Variants in SYN2 observed in about 807,000 individuals in gnomAD.
The protein encoded by SYN2 is synapsin-2.
In SYN2, 19 loss-of-function variants were observed where a neutral mutation model predicts 50.9. That is an observed-to-expected ratio of 0.37 (90% CI 0.26 to 0.55). SYN2 has a LOEUF of 0.55. Ranked by LOEUF, SYN2 falls within the 20% of genes least tolerant of loss-of-function variation. SYN2 has a pLI of 0.81. For synonymous variants in SYN2, 255 were observed against 224.9 expected, an observed-to-expected ratio of 1.13 and a Z score of -1.20; for missense variants, 587 against 576.4, an observed-to-expected ratio of 1.02 and a Z score of -0.19.
intron 1 of SYN2, among the ~76,000 whole-genome samples, chr3:12,065,828 T>A (rs1695204823): frequency 6.6e-6 from 1 of 152,168 alleles, no homozygotes; most frequent in African/African-American, 2.4e-5. Context: ...GTAACAAACC[T>A]GCACATGTAC....
chr3:12,047,317 G>A (rs1397811120), intron 1 of SYN2, among the ~76,000 whole-genome samples: 1 of 152,040 alleles, frequency 6.6e-6, no homozygotes, highest in Non-Finnish European at 1.5e-5. Flanking sequence ...AGATTGGATG[G>A]TGGGAAGTTG....
chr3:12,157,022 A>G (rs751610971), intron 5 of SYN2: 134 of 956,236 alleles, frequency 1.4e-4, no homozygotes, highest in Non-Finnish European at 2.0e-4. Context: ...TTCTCAGCCT[A>G]AAAATGTAAG....
At chr3:12,130,231 T>G (rs1159203450) in intron 1 of SYN2, among the ~76,000 whole-genome samples, 1 of 75,766 alleles carries the variant, frequency 1.3e-5, no homozygotes, top group East Asian at 3.7e-4. Flanking sequence ...TATGCATCTC[T>G]GTGTGCGTGT....
chr3:12,083,765 AG>A (rs1463088084), intron 1 of SYN2, among the ~76,000 whole-genome samples: 1 of 152,156 alleles, frequency 6.6e-6, no homozygotes, highest in African/African-American at 2.4e-5. Context: ...ACCATCTGCT[AG>A]TTTTAATCTG....
intron 1 of SYN2, among the ~76,000 whole-genome samples, chr3:12,078,299 A>G (rs1007407040): frequency 3.9e-5 from 6 of 152,210 alleles, no homozygotes; most frequent in African/African-American, 1.4e-4. Context: ...TTTGCTGTGC[A>G]GAAGCTCTTT....
At chr3:12,154,539 A>C in intron 5 of SYN2, 1 of 1,500,414 alleles carries the variant, frequency 6.7e-7, no homozygotes, top group African/African-American at 1.4e-5. Flanking sequence ...CCAGAATTGC[A>C]GCCTCCCCAA....
chr3:12,048,481 G>A (rs968493702), intron 1 of SYN2, among the ~76,000 whole-genome samples: 1 of 152,152 alleles, frequency 6.6e-6, no homozygotes, highest in Non-Finnish European at 1.5e-5. Flanking sequence ...GCCAGGCTGA[G>A]ATTTTATTTT....
At chr3:12,134,690 T>A (rs1696859134) in intron 1 of SYN2, among the ~76,000 whole-genome samples, 1 of 152,242 alleles carries the variant, frequency 6.6e-6, no homozygotes, top group Non-Finnish European at 1.5e-5. Context: ...TCCACTGACT[T>A]ATGAGGTAGA....
rs769077626 is a variant in SYN2, at chr3:12,167,321, A to G, written c.1055+13A>G. On this transcript the variant is annotated intron_variant, in intron 8 of 12. Coordinates refer to ENST00000621198, the MANE Select transcript of SYN2 (RefSeq NM_133625.6). ...CCATGTCAGACAGGTGAGTTGAGAG[A>G]AGGAGTCCAGTTTCCAGCCCAGTGA... is the stretch of plus-strand genomic sequence containing the variant. 1.9e-6 allele frequency: 3 copies of G among 1,608,644 alleles called. No individual in the cohort carries two copies. Among genetic ancestry groups the G allele is most frequent in the Non-Finnish European group, 2.5e-6 (3 of 1,177,546 alleles).
chr3:12,111,423 G>A (rs1696314108), intron 1 of SYN2, among the ~76,000 whole-genome samples: 1 of 152,136 alleles, frequency 6.6e-6, no homozygotes. Context: ...GTTGTGGTCT[G>A]TATATACTTA....
intron 1 of SYN2, among the ~76,000 whole-genome samples, chr3:12,045,004 C>G (rs1455417277): frequency 6.6e-6 from 1 of 152,070 alleles, no homozygotes; most frequent in African/African-American, 2.4e-5. Flanking sequence ...GGTCATGCAG[C>G]TAAGAAGTGG....
intron 10 of SYN2, among the ~76,000 whole-genome samples, chr3:12,178,591 G>C (rs1698143971): frequency 6.6e-6 from 1 of 152,168 alleles, no homozygotes; most frequent in Admixed American, 6.5e-5. Context: ...GTATAACCCA[G>C]ACCAGAATTC....
intron 1 of SYN2, among the ~76,000 whole-genome samples, chr3:12,021,218 A>G (rs900685927): frequency 1.3e-5 from 2 of 152,124 alleles, no homozygotes; most frequent in African/African-American, 2.4e-5. Flanking sequence ...GGCATTCTCA[A>G]TTTTCAGGAG....
intron 1 of SYN2, among the ~76,000 whole-genome samples, chr3:12,131,288 C>G (rs1696792556): frequency 6.6e-6 from 1 of 152,164 alleles, no homozygotes; most frequent in Admixed American, 6.5e-5. Flanking sequence ...GAGGACATTT[C>G]CTTGTATCTA....
intron 5 of SYN2, chr3:12,153,455 G>A: frequency 5.0e-6 from 8 of 1,590,100 alleles, no homozygotes; most frequent in Non-Finnish European, 6.0e-6. Flanking sequence ...GCTCTGCAGG[G>A]AAGGAGAACT....
At chr3:12,164,342 TGATG>T (rs1401983153) in intron 7 of SYN2, among the ~76,000 whole-genome samples, 10 of 152,146 alleles carry the variant, frequency 6.6e-5, no homozygotes, top group African/African-American at 2.2e-4. Context: ...TCTAAAACAT[TGATG>T]AAGGCTGGGT....
chr3:12,032,840 C>G lies in SYN2; in HGVS notation c.377+27912C>G, dbSNP rs1378221995. On this transcript the variant is annotated intron_variant, in intron 1 of 12. Transcript: ENST00000621198. The stretch of plus-strand genomic sequence containing the variant: ...CTTTGGTTTGAATGTCCTCCCGTAG[C>G]TCAGAGTAATTTGATCGTCTGAAGC... Among the ~76,000 whole-genome samples, 159 of 65,498 alleles carry G rather than the reference C, an allele frequency of 2.4e-3. 1 individual carries two copies. The highest frequency in any genetic ancestry group is 9.2e-3 in the African/African-American group (149 of 16,110). 43.0% of individuals were successfully genotyped at this position (65,498 alleles called of 152,430 possible).
intron 1 of SYN2, among the ~76,000 whole-genome samples, chr3:12,120,053 A>T (rs909185817): frequency 1.3e-5 from 2 of 149,826 alleles, no homozygotes; most frequent in Non-Finnish European, 1.5e-5. Flanking sequence ...AAAGCTGGTT[A>T]AAAAAAAAAT....
At chr3:12,070,596 C>A in intron 1 of SYN2, 1 of 1,371,436 alleles carries the variant, frequency 7.3e-7, no homozygotes, top group Non-Finnish European at 1.0e-6. Flanking sequence ...GAAGATGACC[C>A]AGATCATGTT....
Sources: allele counts gnomAD v4.1 joint callset (sites outside exome capture counted in the v4.1 genomes callset), GRCh38; gene constraint gnomAD v4.1.1; transcripts MANE v1.5; gene names NCBI Gene and HGNC (gene_info 2026-07-23, HGNC 2026-07-21).